Variants in DCC observed in about 807,000 individuals in gnomAD.
DCC encodes the protein DCC netrin 1 receptor, also known as netrin receptor DCC.
Under a neutral mutation model 172.5 loss-of-function variants are expected in DCC, and 58 were observed. The observed-to-expected ratio is 0.34, with a 90% CI of 0.27 to 0.42. The LOEUF is 0.42. Among genes scored for constraint, DCC ranks in the 10% least tolerant of loss-of-function variants. DCC has a pLI of 1.00. For synonymous variants in DCC, 709 were observed against 644.5 expected, an observed-to-expected ratio of 1.10 and a Z score of -1.52; for missense variants, 1,740 against 1,791.0, an observed-to-expected ratio of 0.97 and a Z score of 0.51.
intron 2 of DCC, among the ~76,000 whole-genome samples, chr18:52,835,800 C>T (rs1047526857): frequency 5.9e-5 from 9 of 152,020 alleles, no homozygotes; most frequent in African/African-American, 1.7e-4. Flanking sequence ...TTCTTTGATA[C>T]GCATTTTATT....
intron 2 of DCC, among the ~76,000 whole-genome samples, chr18:52,890,044 T>C (rs1334153035): frequency 1.3e-5 from 2 of 152,170 alleles, no homozygotes; most frequent in Non-Finnish European, 2.9e-5. Context: ...ATATGGTATC[T>C]GTACCAATAA....
At chr18:52,950,434 CAATAG>C (rs1288000169) in intron 5 of DCC, among the ~76,000 whole-genome samples, 2 of 152,158 alleles carry the variant, frequency 1.3e-5, no homozygotes, top group Non-Finnish European at 2.9e-5. Context: ...AGCACTCTGA[CAATAG>C]AATATAATTT....
intron 8 of DCC, among the ~76,000 whole-genome samples, chr18:53,163,344 C>CA (rs1246925947): frequency 1.3e-4 from 19 of 151,926 alleles, no homozygotes; most frequent in Non-Finnish European, 2.5e-4. Context: ...ACTTTAATTC[C>CA]AAAAAAAGTT....
chr18:53,252,722 G>A (rs1297411859), intron 12 of DCC, among the ~76,000 whole-genome samples: 1 of 151,970 alleles, frequency 6.6e-6, no homozygotes, highest in Non-Finnish European at 1.5e-5. Flanking sequence ...ATGTTGACTT[G>A]TCTATCTGGA....
At chr18:53,417,306 T>C (rs1205495006) in intron 21 of DCC, among the ~76,000 whole-genome samples, 1 of 152,156 alleles carries the variant, frequency 6.6e-6, no homozygotes, top group Non-Finnish European at 1.5e-5. Flanking sequence ...TAACAGAACA[T>C]GGCTAGGGGT....
chr18:52,760,083 C>T (rs572284700), intron 2 of DCC, among the ~76,000 whole-genome samples: 2 of 152,224 alleles, frequency 1.3e-5, no homozygotes, highest in East Asian at 3.9e-4. Context: ...AAAGAACTGC[C>T]CAAGACTGGG....
At chr18:53,009,505 G>A (rs760797221) in intron 5 of DCC, among the ~76,000 whole-genome samples, 5 of 151,630 alleles carry the variant, frequency 3.3e-5, no homozygotes, top group Admixed American at 1.3e-4. Context: ...AAACAAAAAA[G>A]AGAGAAAGTG....
At chr18:52,819,486 G>A (rs2038364907) in intron 2 of DCC, among the ~76,000 whole-genome samples, 1 of 152,044 alleles carries the variant, frequency 6.6e-6, no homozygotes, top group South Asian at 2.1e-4. Flanking sequence ...ATTTCATGAT[G>A]TCTGCAAAGA....
At chr18:53,156,806 A>G (rs2054744096) in intron 7 of DCC, among the ~76,000 whole-genome samples, 1 of 152,172 alleles carries the variant, frequency 6.6e-6, no homozygotes, top group Admixed American at 6.5e-5. Context: ...TCGAATATAG[A>G]TACATGTGTT....
intron 5 of DCC, among the ~76,000 whole-genome samples, chr18:52,960,916 A>G (rs1004044125): frequency 6.6e-6 from 1 of 152,158 alleles, no homozygotes; most frequent in Non-Finnish European, 1.5e-5. Context: ...TAGTAAGACT[A>G]AAGTAGGTCA....
Position 52,566,854 on chromosome 18 carries a change from A to T in DCC, c.92-185200A>T, listed in dbSNP as rs753989356. 5.4e-4 allele frequency among the ~76,000 whole-genome samples: 82 copies of T among 152,010 alleles called. 1 individual carries two copies. Among genetic ancestry groups the T allele is most frequent in the Admixed American group, 1.2e-3 (19 of 15,262 alleles). Reference sequence around the variant, plus strand: ...AATACGCTGTAGAAATTTGGATTCAACCTAGCTTGGATACATTTGACAACT... The same window carrying T: ...AATACGCTGTAGAAATTTGGATTCATCCTAGCTTGGATACATTTGACAACT... On this transcript the variant is annotated intron_variant, in intron 1 of 28. Coordinates refer to ENST00000442544, the MANE Select transcript of DCC (RefSeq NM_005215.4).
chr18:52,920,494 C>G (rs1353803244), intron 3 of DCC, among the ~76,000 whole-genome samples: 1 of 151,832 alleles, frequency 6.6e-6, no homozygotes, highest in Non-Finnish European at 1.5e-5. Context: ...CTATTATATA[C>G]CATTACACGT....
intron 21 of DCC, among the ~76,000 whole-genome samples, chr18:53,428,988 ATATATTTTT>A (rs1452452972): frequency 1.6e-5 from 1 of 61,694 alleles, no homozygotes; most frequent in African/African-American, 5.5e-5. Context: ...TATATATTTT[ATATATTTTT>A]TATATAATAT....
At chr18:53,354,485 GT>G (rs1316713141) in intron 15 of DCC, among the ~76,000 whole-genome samples, 2 of 152,062 alleles carry the variant, frequency 1.3e-5, no homozygotes, top group Non-Finnish European at 2.9e-5. Context: ...TCTCATTGTG[GT>G]TTTGATTTGC....
intron 25 of DCC, among the ~76,000 whole-genome samples, chr18:53,480,173 A>G (rs2045815236): frequency 6.6e-6 from 1 of 152,184 alleles, no homozygotes; most frequent in Admixed American, 6.6e-5. Flanking sequence ...AGGTCCAGAT[A>G]GAGGAGTAAA....
intron 14 of DCC, among the ~76,000 whole-genome samples, chr18:53,326,148 G>T (rs1175394651): frequency 6.6e-6 from 1 of 152,008 alleles, no homozygotes; most frequent in East Asian, 1.9e-4. Context: ...GATGAGAATT[G>T]CAAAGACAGT....
At chr18:53,136,905 A>C (rs1188556859) in intron 7 of DCC, among the ~76,000 whole-genome samples, 1 of 152,236 alleles carries the variant, frequency 6.6e-6, no homozygotes, top group East Asian at 1.9e-4. Flanking sequence ...CATATTTCTC[A>C]GAATATACTC....
chr18:52,973,565 T>G (rs1306967042), intron 5 of DCC, among the ~76,000 whole-genome samples: 1 of 152,186 alleles, frequency 6.6e-6, no homozygotes, highest in Non-Finnish European at 1.5e-5. Context: ...TATTTCTGAT[T>G]AGACTAGCAT....
chr18:53,207,709 C>A lies in DCC; in HGVS notation c.1753C>A (p.Leu585Met). Residue 585 changes from leucine (L) to methionine (M), a missense_variant, in exon 11 of 29, where the codon CTG (leucine) becomes ATG (methionine). Coordinates refer to ENST00000442544, the MANE Select transcript of DCC (RefSeq NM_005215.4). ...NIEVDGLSYK[L>M]EGLKKFTEYS... is the part of the protein sequence containing the mutation. The stretch of plus-strand genomic sequence containing the variant: ...AGAGGTTGATGGACTATCTTATAAA[C>A]TGGAAGGCCTGAAAAAATTCACCGA... The A allele has an allele frequency of 2.5e-6, 4 of 1,613,592 alleles. No homozygotes were observed. The highest frequency in any genetic ancestry group is 3.4e-6 in the Non-Finnish European group (4 of 1,179,620).
Sources: gnomAD v4.1 joint callset for allele counts (sites outside exome capture counted in the v4.1 genomes callset) on GRCh38, gnomAD v4.1.1 for gene constraint, MANE v1.5 for transcripts, NCBI Gene and HGNC (gene_info 2026-07-23, HGNC 2026-07-21) for gene names.